TNS3: variants seen among roughly 807,000 people sequenced by gnomAD.
TNS3 encodes tensin 3, also known as tensin-3.
A neutral mutation model predicts 140.9 loss-of-function variants in TNS3; 45 were observed. The ratio of observed to expected loss-of-function variants is 0.32; its 90% CI spans 0.25 to 0.41. The LOEUF (loss-of-function observed/expected upper bound fraction) is 0.41, where lower values mean the gene tolerates loss of function less well. Among genes scored for constraint, TNS3 ranks in the 10% least tolerant of loss-of-function variants. The probability of loss-of-function intolerance (pLI) is 1.00; values close to 1 mark genes in which losing one functional copy is unlikely to be tolerated. For missense variants in TNS3, 1,716 were observed against 1,906.7 expected, an observed-to-expected ratio of 0.90 and a Z score of 1.86; for synonymous variants, 815 against 788.4, an observed-to-expected ratio of 1.03 and a Z score of -0.56.
At chr7:47,412,965 T>C (rs1793860481) in intron 12 of TNS3, among the ~76,000 whole-genome samples, 1 of 152,092 alleles carries the variant, frequency 6.6e-6, no homozygotes, top group South Asian at 2.1e-4. Flanking sequence ...GTTGTTTTCT[T>C]TTTTTTTCAG....
chr7:47,421,849 T>C (rs1794389092), intron 10 of TNS3, among the ~76,000 whole-genome samples: 2 of 152,342 alleles, frequency 1.3e-5, no homozygotes, highest in South Asian at 4.1e-4. Flanking sequence ...AGAGTTGCTG[T>C]TGAGACTTCT....
chr7:47,561,720 G>C (rs75454577), intron 1 of TNS3, among the ~76,000 whole-genome samples: 1,649 of 152,274 alleles, frequency 0.011, 13 homozygotes, highest in Non-Finnish European at 0.018. Context: ...TCTCTCCCAA[G>C]ACTCGTCAAA....
intron 4 of TNS3, among the ~76,000 whole-genome samples, chr7:47,450,626 AG>A (rs1197628397): frequency 6.6e-6 from 1 of 152,172 alleles, no homozygotes; most frequent in Non-Finnish European, 1.5e-5. Flanking sequence ...CCCTCTTCCC[AG>A]GGGGGCTCTG....
chr7:47,414,868 C>T (rs1277422826), intron 11 of TNS3, among the ~76,000 whole-genome samples: 4 of 152,206 alleles, frequency 2.6e-5, no homozygotes, highest in Non-Finnish European at 5.9e-5. Flanking sequence ...TTCTGATCCC[C>T]CTTGCTGGCC....
rs188540571 is a variant in TNS3 at position 47,366,305 on chromosome 7, A to T, written c.2281+2060T>A. The stretch of plus-strand genomic sequence containing the variant: ...TATTGTAAAGTCCAATAATCTACTC[A>T]TGGGGGACTCTCCAGGCTCCTTCCA... On this transcript the variant is annotated intron_variant, in intron 17 of 30. Transcript: ENST00000311160. 1.1e-3 allele frequency among the ~76,000 whole-genome samples: 169 copies of T among 152,264 alleles called. 1 individual carries two copies. Among genetic ancestry groups the T allele is most frequent in the Middle Eastern group, 6.8e-3 (2 of 294 alleles).
At chr7:47,501,596 A>G (rs1035295653) in intron 3 of TNS3, among the ~76,000 whole-genome samples, 2 of 152,208 alleles carry the variant, frequency 1.3e-5, no homozygotes, top group Non-Finnish European at 2.9e-5. Context: ...CAAAGAATGC[A>G]GTAACCGAGA....
rs1425218809 is a variant in TNS3, at chr7:47,407,886, T to C, written c.723+3841A>G. On this transcript the variant is annotated intron_variant, in intron 13 of 30. Transcript: ENST00000311160. The surrounding 1 kb of genome is among the most constrained non-coding windows in gnomAD (Gnocchi z 4.1). Reference sequence around the variant, plus strand: ...CTCAGGCTCCCAGCCTCCAGGACTGTGGGAGAATCACCTCTGTTGTTTAAG... The same window carrying C: ...CTCAGGCTCCCAGCCTCCAGGACTGCGGGAGAATCACCTCTGTTGTTTAAG... 6.6e-6 allele frequency among the ~76,000 whole-genome samples: 1 copy of C among 151,890 alleles called. No homozygotes were observed. The highest frequency in any genetic ancestry group is 6.5e-5 in the Admixed American group (1 of 15,268).
intron 2 of TNS3, among the ~76,000 whole-genome samples, chr7:47,507,722 G>C (rs1484304179): frequency 6.6e-6 from 1 of 152,212 alleles, no homozygotes; most frequent in African/African-American, 2.4e-5. Flanking sequence ...GCTGCAGGCA[G>C]GCCTTGCAGG....
At chr7:47,550,301 G>A (rs1188024425) in intron 1 of TNS3, among the ~76,000 whole-genome samples, 1 of 152,226 alleles carries the variant, frequency 6.6e-6, no homozygotes, top group East Asian at 1.9e-4. Context: ...TCCATGGCCA[G>A]CAATGTCCAC....
intron 20 of TNS3, 127 bp from the exon 21 acceptor site, chr7:47,305,130 T>G: frequency 1.7e-5 from 12 of 686,574 alleles, no homozygotes; most frequent in Non-Finnish European, 2.3e-5. Context: ...TCCATGGCCA[T>G]ACTGAACATG....
chr7:47,529,223 T>TA (rs1259549281), intron 1 of TNS3, 76 bp from the exon 2 acceptor site: 8 of 807,408 alleles, frequency 9.9e-6, no homozygotes, highest in South Asian at 6.8e-5. Context: ...TTAAGGGAAA[T>TA]AATAAATCTA....
chr7:47,361,657 G>A (rs1790344451), intron 17 of TNS3, among the ~76,000 whole-genome samples: 4 of 152,104 alleles, frequency 2.6e-5, no homozygotes, highest in African/African-American at 9.7e-5. Flanking sequence ...TAAATCAACG[G>A]GCTCTCCATG....
intron 1 of TNS3, among the ~76,000 whole-genome samples, chr7:47,537,141 G>C (rs1286489110): frequency 6.6e-6 from 1 of 151,948 alleles, no homozygotes; most frequent in Non-Finnish European, 1.5e-5. Flanking sequence ...AGCCGGGCTC[G>C]GCCGGGCGAG....
chr7:47,282,781 T>G (rs1785215563), intron 28 of TNS3, among the ~76,000 whole-genome samples: 1 of 152,010 alleles, frequency 6.6e-6, no homozygotes, highest in Admixed American at 6.5e-5. Context: ...TTTCAGCAGA[T>G]GAAGGGTGAT....
intron 4 of TNS3, among the ~76,000 whole-genome samples, chr7:47,460,305 C>T (rs955118562): frequency 3.3e-5 from 5 of 151,864 alleles, no homozygotes; most frequent in Non-Finnish European, 5.9e-5. Context: ...AGAAAACGGC[C>T]ACCTACAAGC....
intron 4 of TNS3, among the ~76,000 whole-genome samples, chr7:47,443,335 A>G (rs1442019257): frequency 6.6e-6 from 1 of 152,140 alleles, no homozygotes; most frequent in Admixed American, 6.5e-5. Flanking sequence ...GACCTGGTCA[A>G]GTGAAGTCCC....
At chr7:47,527,769 G>C (rs909875959) in intron 2 of TNS3, among the ~76,000 whole-genome samples, 2 of 152,118 alleles carry the variant, frequency 1.3e-5, no homozygotes, top group East Asian at 3.9e-4. Flanking sequence ...AATTAGCTAG[G>C]CATGTGGCGC....
At chr7:47,496,478 G>T (rs1159527415) in intron 3 of TNS3, among the ~76,000 whole-genome samples, 1 of 152,160 alleles carries the variant, frequency 6.6e-6, no homozygotes, top group African/African-American at 2.4e-5. Context: ...CAGGCGGGGG[G>T]AGGTGAGGTA....
chr7:47,427,166 C>T (rs1050890899), intron 9 of TNS3, among the ~76,000 whole-genome samples: 2 of 149,652 alleles, frequency 1.3e-5, no homozygotes, highest in African/African-American at 4.9e-5. Flanking sequence ...CAGGTGGTCT[C>T]TGTCCAGAAC....
Sources: allele counts gnomAD v4.1 joint callset (sites outside exome capture counted in the v4.1 genomes callset), GRCh38; gene constraint gnomAD v4.1.1; non-coding constraint Gnocchi (gnomAD v3.1); transcripts MANE v1.5; gene names NCBI Gene and HGNC (gene_info 2026-07-23, HGNC 2026-07-21).